DGKZ: variants seen among roughly 807,000 people sequenced by gnomAD.
DGKZ encodes DAG kinase zeta.
A neutral mutation model predicts 142.5 loss-of-function variants in DGKZ; 45 were observed. That is an observed-to-expected ratio of 0.32 (90% CI 0.25 to 0.40). The LOEUF is 0.40. DGKZ is among the 10% of genes least tolerant of loss of function. The pLI, the probability that DGKZ is intolerant of heterozygous loss-of-function variation, is 1.00. For missense variants in DGKZ, 755 were observed against 1,306.5 expected, an observed-to-expected ratio of 0.58 and a Z score of 6.51; for synonymous variants, 442 against 527.0, an observed-to-expected ratio of 0.84 and a Z score of 2.21.
intron 1 of DGKZ, among the ~76,000 whole-genome samples, chr11:46,362,783 T>A (rs1215052747): frequency 3.9e-5 from 6 of 152,148 alleles, no homozygotes; most frequent in Non-Finnish European, 1.5e-5. Context: ...CTGATGAAGC[T>A]CTCCGGCCTG....
chr11:46,352,281 G>T (rs1007703905), intron 1 of DGKZ, among the ~76,000 whole-genome samples: 1 of 152,244 alleles, frequency 6.6e-6, no homozygotes, highest in Non-Finnish European at 1.5e-5. Flanking sequence ...AGGCTGCCCT[G>T]CAGTGCCTCT....
At chr11:46,358,862 G>A (rs535258161) in intron 1 of DGKZ, among the ~76,000 whole-genome samples, 12 of 152,144 alleles carry the variant, frequency 7.9e-5, no homozygotes, top group Non-Finnish European at 1.8e-4. Context: ...TAACATGTGG[G>A]CCAGGTGTGG....
chr11:46,371,621 C>T lies in DGKZ; in HGVS notation c.759+18C>T, dbSNP rs769295943. The T allele has an allele frequency of 8.1e-6, 13 of 1,613,100 alleles. No homozygotes were observed. The highest frequency in any genetic ancestry group is 1.1e-5 in the Non-Finnish European group (13 of 1,179,654). On this transcript the variant is annotated intron_variant, in intron 8 of 30. Transcript: ENST00000527911. ...GGCCCCAGGTGAGTACTGCCTGCAC[C>T]CTTGATGCCCCGTACGCACTTGGGG...
intron 1 of DGKZ, among the ~76,000 whole-genome samples, chr11:46,340,742 T>TCAG (rs2136380812): frequency 6.6e-6 from 1 of 152,340 alleles, no homozygotes; most frequent in South Asian, 2.1e-4. Context: ...GCCCAGCACT[T>TCAG]CAGCAGGGGC....
At chr11:46,366,757 C>T (rs1432225883) in intron 1 of DGKZ, 2 of 1,550,392 alleles carry the variant, frequency 1.3e-6, no homozygotes. Context: ...CCCACCTGCT[C>T]CCCGCGGATG....
intron 1 of DGKZ, among the ~76,000 whole-genome samples, chr11:46,354,385 G>A (rs1000419131): frequency 6.6e-5 from 10 of 152,060 alleles, no homozygotes; most frequent in African/African-American, 9.7e-5. Context: ...TTGTAGAGAC[G>A]AGGTCCTGCT....
chr11:46,366,055 T>C lies in DGKZ; in HGVS notation c.162-1236T>C, dbSNP rs550831924. ...CCTGAGCACCCCTGGGATCCTCACA[T>C]GGAGGTCAGAGGCTGCAGTGACCCC... is the stretch of plus-strand genomic sequence containing the variant. On this transcript the variant is annotated intron_variant, in intron 1 of 30. Coordinates refer to ENST00000527911, the Ensembl canonical transcript of DGKZ. The C allele has an allele frequency of 2.9e-5, 29 of 985,338 alleles. No homozygotes were observed. The African/African-American group carries it at 5.1e-4, about 17-fold the overall frequency. 61.0% of individuals were successfully genotyped at this position (985,338 alleles called of 1,614,324 possible).
chr11:46,374,147 CT>C lies in DGKZ; in HGVS notation c.1327-5del. ...CCAGCCCTCATTTTGGTCCCTTGAC[CT>C]TTTTCCAGTTGCCCCTGGATGTCTT... is the stretch of plus-strand genomic sequence containing the variant. On this transcript the variant is annotated splice_polypyrimidine_tract_variant and intron_variant, in intron 14 of 30. Transcript: ENST00000527911. The C allele has an allele frequency of 6.2e-7, 1 of 1,614,126 alleles. No individual in the cohort carries two copies. Among genetic ancestry groups the C allele is most frequent in the Non-Finnish European group, 8.5e-7 (1 of 1,180,002 alleles).
chr11:46,359,217 C>T (rs1002341467), intron 1 of DGKZ, among the ~76,000 whole-genome samples: 3 of 150,670 alleles, frequency 2.0e-5, no homozygotes, highest in East Asian at 4.0e-4. Context: ...CCAAGGCGGG[C>T]GGATCACGAG....
chr11:46,345,128 G>A, upstream of DGKZ: 1 of 546,116 alleles, frequency 1.8e-6, no homozygotes, highest in Non-Finnish European at 2.8e-6. This position sits in a 1 kb window ranked among gnomAD's most constrained non-coding sequence, Gnocchi z 4.1. Flanking sequence ...TTGAAAATCA[G>A]ACAGTTTAAA....
At chr11:46,357,066 C>T (rs746858091) in intron 1 of DGKZ, among the ~76,000 whole-genome samples, 5 of 152,084 alleles carry the variant, frequency 3.3e-5, no homozygotes, top group Non-Finnish European at 7.4e-5. Context: ...CTGATGGCAG[C>T]GGGAGTCTGG....
Position 46,367,100 on chromosome 11 carries a change from A to G in DGKZ, c.162-191A>G. The G allele has an allele frequency of 3.0e-6, 4 of 1,355,808 alleles. No homozygotes were observed. The highest frequency in any genetic ancestry group is 4.0e-6 in the Non-Finnish European group (4 of 992,968). The allele number at this position is 1,355,808 out of a possible 1,614,324, so 84.0% of individuals were successfully genotyped here. ...TTCCCCACTTGGGAACACTCTGGGC[A>G]GTACCCTGAAGCCAGCGTACCCCAA... On this transcript the variant is annotated intron_variant, in intron 1 of 30. Coordinates refer to ENST00000527911, the Ensembl canonical transcript of DGKZ. This position sits in a 1 kb window ranked among gnomAD's most constrained non-coding sequence, Gnocchi z 4.1.
intron 6 of DGKZ, 22 bp from the exon 7 acceptor site, chr11:46,371,291 C>T (rs1439382017): frequency 1.9e-6 from 3 of 1,611,958 alleles, no homozygotes; most frequent in East Asian, 4.5e-5. Context: ...CCCTGGTTCC[C>T]ATCCATCCTG....
At chr11:46,333,158 G>T (rs1182370335) in exon 1 of DGKZ, 1 of 920,700 alleles carries the variant, frequency 1.1e-6, no homozygotes, top group Non-Finnish European at 1.4e-6. Flanking sequence ...AGGGACCTGC[G>T]GAACCCGGCG....
intron 1 of DGKZ, chr11:46,366,909 G>A (rs1340336302): frequency 1.3e-6 from 2 of 1,546,978 alleles, no homozygotes; most frequent in Admixed American, 1.9e-5. Flanking sequence ...ACCCGTGTGC[G>A]CCCACTGTCC....
At chr11:46,339,045 G>T (rs1940152531) in intron 1 of DGKZ, among the ~76,000 whole-genome samples, 1 of 152,172 alleles carries the variant, frequency 6.6e-6, no homozygotes, top group South Asian at 2.1e-4. Context: ...GCAAGGCTGA[G>T]CATGCGCGCA....
chr11:46,369,534 C>T, exon 5 of DGKZ: 10 of 1,613,134 alleles, frequency 6.2e-6, no homozygotes, highest in Non-Finnish European at 8.5e-6. Context: ...GAATCAGGCT[C>T]CAGGAATGTC....
At chr11:46,374,303 G>C in intron 15 of DGKZ, 68 bp downstream of exon 15, 1 of 1,611,892 alleles carries the variant, frequency 6.2e-7, no homozygotes, top group Non-Finnish European at 8.5e-7. Context: ...GTCAGACCCT[G>C]CTCCCGCCAG....
intron 1 of DGKZ, among the ~76,000 whole-genome samples, chr11:46,337,435 A>G (rs1186910768): frequency 6.6e-6 from 1 of 151,620 alleles, no homozygotes; most frequent in Non-Finnish European, 1.5e-5. Context: ...AGCTGGGACT[A>G]CAGGCGCCCA....
Sources: gnomAD v4.1 joint callset for allele counts (sites outside exome capture counted in the v4.1 genomes callset) on GRCh38, gnomAD v4.1.1 for gene constraint, Gnocchi (gnomAD v3.1) non-coding constraint, MANE v1.5 for transcripts, NCBI Gene and HGNC (gene_info 2026-07-23, HGNC 2026-07-21) for gene names.